Variants in CAPN9 observed in about 807,000 individuals in gnomAD.
CAPN9 encodes calpain-9.
Under a neutral mutation model 92.8 loss-of-function variants are expected in CAPN9, and 81 were observed. The ratio of observed to expected loss-of-function variants is 0.87; its 90% CI spans 0.73 to 1.05. The LOEUF (loss-of-function observed/expected upper bound fraction) is 1.05. Ranked by LOEUF, CAPN9 falls within the 50% of genes least tolerant of loss-of-function variation. The pLI is 0.00. For synonymous variants in CAPN9, 304 were observed against 328.0 expected (o/e 0.93, Z 0.79); for missense variants, 848 against 866.2 (o/e 0.98, Z 0.26).
intron 9 of CAPN9, among the ~76,000 whole-genome samples, chr1:230,779,402 A>G (rs559496686): frequency 1.3e-5 from 2 of 152,212 alleles, no homozygotes; most frequent in African/African-American, 2.4e-5. Flanking sequence ...GTTATCTCAC[A>G]TAATTGAAGA....
intron 17 of CAPN9, 53 bp downstream of exon 17, chr1:230,792,981 T>G: frequency 7.3e-7 from 1 of 1,362,834 alleles, no homozygotes; most frequent in Non-Finnish European, 1.0e-6. Flanking sequence ...GTACTGCCTG[T>G]GGGCAACCTG....
At chr1:230,777,932 C>T (rs902414918) in intron 8 of CAPN9, among the ~76,000 whole-genome samples, 2 of 152,184 alleles carry the variant, frequency 1.3e-5, no homozygotes, top group South Asian at 2.1e-4. Context: ...ACTCTTTAGG[C>T]GTCTCGTCTG....
rs28741090 is a variant in CAPN9, at chr1:230,769,937, A to G, written c.789+674A>G. Among the ~76,000 whole-genome samples the G allele has an allele frequency of 6.9e-3, 1,056 of 152,318 alleles. 16 individuals are homozygous for G. The highest frequency in any genetic ancestry group is 0.023 in the African/African-American group (974 of 41,562). On this transcript the variant is annotated intron_variant, in intron 6 of 19. Transcript: ENST00000271971. ...CTTATTTATTGTAAGAATACAGTATATAATATAAATAATTATAAAACATGT... is the reference window on the plus strand; with the variant it reads ...CTTATTTATTGTAAGAATACAGTATGTAATATAAATAATTATAAAACATGT...
At chr1:230,791,971 G>C in intron 15 of CAPN9, 43 bp downstream of exon 15, 1 of 1,397,268 alleles carries the variant, frequency 7.2e-7, no homozygotes, top group Non-Finnish European at 1.0e-6. Context: ...ATGGATCCTG[G>C]GCTTTAAGCA....
At chr1:230,757,060 GGAAGGAAA>G (rs548562018) in intron 2 of CAPN9, among the ~76,000 whole-genome samples, 25,242 of 82,278 alleles carry the variant, frequency 0.31, 2,700 homozygotes, top group Non-Finnish European at 0.37. Context: ...AAGGAAGGAA[GGAAGGAAA>G]GGAGAAAATA....
At chr1:230,753,652 T>G (rs1329517193) in intron 1 of CAPN9, among the ~76,000 whole-genome samples, 3 of 152,166 alleles carry the variant, frequency 2.0e-5, no homozygotes, top group Non-Finnish European at 1.5e-5. Context: ...CAGACACTGC[T>G]GGAACCTTCC....
intron 7 of CAPN9, among the ~76,000 whole-genome samples, chr1:230,773,313 A>T (rs562133039): frequency 6.4e-4 from 98 of 152,284 alleles, no homozygotes; most frequent in African/African-American, 2.2e-3. Flanking sequence ...AGGAGGAAAG[A>T]GATTGGCCTC....
At chr1:230,786,838 G>A (rs1192174471) in intron 12 of CAPN9, among the ~76,000 whole-genome samples, 4 of 152,118 alleles carry the variant, frequency 2.6e-5, no homozygotes, top group Admixed American at 2.6e-4. Flanking sequence ...TGGACTCAGG[G>A]GAACACATTA....
At chr1:230,789,109 C>T (rs1029920233) in intron 13 of CAPN9, among the ~76,000 whole-genome samples, 1 of 152,084 alleles carries the variant, frequency 6.6e-6, no homozygotes, top group African/African-American at 2.4e-5. Flanking sequence ...TCCCCAGGCC[C>T]AGAGGCTTCA....
intron 11 of CAPN9, among the ~76,000 whole-genome samples, chr1:230,782,031 T>C (rs1221252296): frequency 2.0e-5 from 3 of 152,210 alleles, no homozygotes; most frequent in Admixed American, 1.3e-4. Context: ...AAGTACCCTG[T>C]ATGAGATCCA....
At chr1:230,799,451 G>A (rs570860676) in intron 19 of CAPN9, among the ~76,000 whole-genome samples, 8 of 152,132 alleles carry the variant, frequency 5.3e-5, no homozygotes, top group Non-Finnish European at 8.8e-5. Flanking sequence ...ATCCCTGGAC[G>A]CATTATTATT....
intron 4 of CAPN9, among the ~76,000 whole-genome samples, chr1:230,765,864 C>T (rs72760652): frequency 4.6e-5 from 7 of 152,120 alleles, no homozygotes; most frequent in African/African-American, 9.6e-5. Context: ...TTTTTTCATG[C>T]GGCCTTCACA....
rs146533603 is a variant in CAPN9 at position 230,762,689 on chromosome 1, G to A, written c.439G>A (p.Asp147Asn). 1.6e-4 allele frequency: 256 copies of A among 1,614,006 alleles called. No homozygotes were observed. Among genetic ancestry groups the A allele is most frequent in the Non-Finnish European group, 2.0e-4 (236 of 1,180,004 alleles). ...CAGTGAGTGGCTGGACGTGGTGATC[G>A]ATGACCGCCTGCCCACCTTCAGGGA... ...QHSEWLDVVI[D>N]DRLPTFRDRL... Residue 147 changes from aspartate to asparagine, a missense_variant, in exon 4 of 20, where the codon GAT becomes AAT. Physicochemically the swap from Asp to Asn is conservative, Grantham distance 23. Coordinates refer to ENST00000271971, the MANE Select transcript of CAPN9 (RefSeq NM_006615.3).
intron 4 of CAPN9, among the ~76,000 whole-genome samples, chr1:230,764,656 T>C (rs1558091011): frequency 6.6e-6 from 1 of 152,272 alleles, no homozygotes; most frequent in Admixed American, 6.5e-5. Context: ...TATGCTCTAG[T>C]TGCTAAAATT....
intron 1 of CAPN9, among the ~76,000 whole-genome samples, chr1:230,752,314 G>A (rs1288279449): frequency 1.3e-5 from 2 of 152,144 alleles, no homozygotes; most frequent in African/African-American, 2.4e-5. Context: ...TGGCACGTGT[G>A]CACACCAATT....
chr1:230,797,609 C>T lies in CAPN9; in HGVS notation c.1988-553C>T, dbSNP rs1668437101. 3.3e-5 allele frequency among the ~76,000 whole-genome samples: 5 copies of T among 152,246 alleles called. No homozygotes were observed. The South Asian group carries it at 8.3e-4, about 25-fold the overall frequency. On this transcript the variant is annotated intron_variant, in intron 18 of 19. Transcript: ENST00000271971. Reference sequence around the variant, plus strand: ...CAAGTGAAGCCAGGGCTGATTGGCTCGACCTCGTCTTCTGAAGGTGAGGAG... The same window carrying T: ...CAAGTGAAGCCAGGGCTGATTGGCTTGACCTCGTCTTCTGAAGGTGAGGAG...
chr1:230,769,643 A>G (rs1166023333), intron 6 of CAPN9, among the ~76,000 whole-genome samples: 1 of 126,154 alleles, frequency 7.9e-6, no homozygotes, highest in Non-Finnish European at 1.8e-5. Context: ...CTATCTATCT[A>G]TCTATCTATC....
At chr1:230,791,077 A>G (rs1317549163) in intron 14 of CAPN9, among the ~76,000 whole-genome samples, 1 of 152,212 alleles carries the variant, frequency 6.6e-6, no homozygotes, top group African/African-American at 2.4e-5. Flanking sequence ...TTACAGCCAG[A>G]CAACATTCCA....
chr1:230,780,342 T>C lies in CAPN9; in HGVS notation c.1272+6T>C, dbSNP rs1553261839. ...TCGGCTATGCCATTTATGAGGTAGG[T>C]GGGAACCACACTGCATTTCAGAGTT... is the stretch of plus-strand genomic sequence containing the variant. On this transcript the variant is annotated splice_donor_region_variant and intron_variant, in intron 10 of 19. Transcript: ENST00000271971. The C allele has an allele frequency of 6.2e-7, 1 of 1,613,526 alleles. No individual in the cohort carries two copies. The highest frequency in any genetic ancestry group is 8.5e-7 in the Non-Finnish European group (1 of 1,179,820).
Sources: allele counts gnomAD v4.1 joint callset (sites outside exome capture counted in the v4.1 genomes callset), GRCh38; gene constraint gnomAD v4.1.1; transcripts MANE v1.5; gene names NCBI Gene and HGNC (gene_info 2026-07-23, HGNC 2026-07-21).